ARV1: variants seen among roughly 807,000 people sequenced by gnomAD.
ARV1 encodes ARV1 fatty acid homeostasis modulator, also known as protein ARV1.
Under a neutral mutation model 31.1 loss-of-function variants are expected in ARV1, and 26 were observed. The ratio of observed to expected loss-of-function variants is 0.84; its 90% CI spans 0.61 to 1.16. ARV1 has a LOEUF of 1.16. Among genes scored for constraint, ARV1 ranks in the 50% most tolerant of loss-of-function variants. ARV1 has a pLI of 0.00. For synonymous variants in ARV1, 117 were observed against 123.2 expected, an observed-to-expected ratio of 0.95 and a Z score of 0.34; for missense variants, 281 against 324.9, an observed-to-expected ratio of 0.86 and a Z score of 1.04.
chr1:230,983,513 C>T (rs958353089), intron 1 of ARV1, among the ~76,000 whole-genome samples: 12 of 150,982 alleles, frequency 7.9e-5, no homozygotes, highest in African/African-American at 2.7e-4. Flanking sequence ...CAAAACAAAA[C>T]TCCTATAAGA....
intron 2 of ARV1, 100 bp from the exon 3 acceptor site, chr1:230,990,010 A>G: frequency 7.9e-7 from 1 of 1,263,788 alleles, no homozygotes; most frequent in African/African-American, 1.5e-5. Flanking sequence ...CCTGAATTTG[A>G]AAAGTGACTA....
intron 4 of ARV1, 79 bp from the exon 5 acceptor site, chr1:230,997,042 C>T (rs1679389281): frequency 6.6e-7 from 1 of 1,519,248 alleles, no homozygotes; most frequent in Non-Finnish European, 9.0e-7. Context: ...CTTTACAAAA[C>T]AATTCATACT....
chr1:230,999,089 C>G (rs1466584180), intron 5 of ARV1, among the ~76,000 whole-genome samples: 4 of 152,176 alleles, frequency 2.6e-5, no homozygotes, highest in Non-Finnish European at 4.4e-5. Context: ...CTGTCCTCAG[C>G]CCTCTTCCTT....
Position 230,986,668 on chromosome 1 carries a change from A to ATTTTTTTTTTTTT in ARV1, c.175-1626_175-1614dup, listed in dbSNP as rs1162209283. The stretch of plus-strand genomic sequence containing the variant: ...CACCCACAAATGTAATACTTTTCCT[A>ATTTTTTTTTTTTT]TTTTTTTTTTTTTTTTTTTTTTTTT... On this transcript the variant is annotated intron_variant, in intron 1 of 5. Coordinates refer to ENST00000310256, the MANE Select transcript of ARV1 (RefSeq NM_022786.3). 6.4e-4 allele frequency among the ~76,000 whole-genome samples: 40 copies of ATTTTTTTTTTTTT among 62,354 alleles called. 3 individuals are homozygous for ATTTTTTTTTTTTT. The highest frequency in any genetic ancestry group is 2.5e-3 in the East Asian group (4 of 1,614). 40.9% of individuals were successfully genotyped at this position (62,354 alleles called of 152,430 possible). A position where few individuals can be genotyped will look rare whatever the true frequency, so the allele number is the denominator to read the frequency against.
chr1:230,980,773 A>T (rs940246452), intron 1 of ARV1, among the ~76,000 whole-genome samples: 4 of 151,498 alleles, frequency 2.6e-5, no homozygotes, highest in African/African-American at 9.7e-5. Flanking sequence ...CAAAAAAAAA[A>T]AAAAAACCAA....
chr1:230,990,657 C>T, intron 3 of ARV1: 1 of 358,662 alleles, frequency 2.8e-6, no homozygotes, highest in Non-Finnish European at 5.7e-6. Context: ...TGGGCTCAAG[C>T]AATCCTCCTG....
intron 2 of ARV1, among the ~76,000 whole-genome samples, chr1:230,989,858 T>G (rs1218130532): frequency 1.3e-5 from 2 of 152,216 alleles, no homozygotes. Flanking sequence ...ATGTCTATGT[T>G]GTACTATGAA....
At chr1:230,986,103 T>TC in intron 1 of ARV1, among the ~76,000 whole-genome samples, 1 of 151,526 alleles carries the variant, frequency 6.6e-6, no homozygotes, top group South Asian at 2.1e-4. Flanking sequence ...ATTTTTTTTT[T>TC]AGTAGAGATG....
Position 230,979,246 on chromosome 1 carries a change from CTA to C in ARV1, c.144_145del (p.Tyr48Ter). ...NQEAKELYRD[Y>X]NHGVLKITIC... ...AGGAGGCCAAAGAGTTGTACCGAGA[CTA>C]TAACCACGGTGTGCTGAAGATAACC... On this transcript the variant is annotated frameshift_variant, in exon 1 of 6. Transcript: ENST00000310256. LOFTEE classifies it high-confidence loss of function. The C allele has an allele frequency of 6.2e-7, 1 of 1,613,252 alleles. No homozygotes were observed. The highest frequency in any genetic ancestry group is 1.3e-5 in the African/African-American group (1 of 74,968).
intron 3 of ARV1, among the ~76,000 whole-genome samples, chr1:230,993,569 T>C (rs2103053871): frequency 6.6e-6 from 1 of 152,316 alleles, no homozygotes; most frequent in Admixed American, 6.5e-5. Context: ...TTATGTGTCT[T>C]AGTCTAATCC....
At chr1:230,998,745 G>GAA (rs75089395) in intron 5 of ARV1, among the ~76,000 whole-genome samples, 4 of 135,710 alleles carry the variant, frequency 2.9e-5, no homozygotes, top group African/African-American at 2.7e-5. Context: ...ATCTTTACAG[G>GAA]AAAAAAAAAA....
intron 1 of ARV1, among the ~76,000 whole-genome samples, chr1:230,983,110 A>G (rs1413749623): frequency 6.6e-6 from 1 of 152,116 alleles, no homozygotes; most frequent in Non-Finnish European, 1.5e-5. Context: ...TATTATAAGT[A>G]CGCTTAAAGA....
At chr1:230,991,693 G>A (rs190620449) in intron 3 of ARV1, among the ~76,000 whole-genome samples, 6,298 of 150,018 alleles carry the variant, frequency 0.042, 359 homozygotes, top group African/African-American at 0.13. Flanking sequence ...GTGCAGTGGC[G>A]CGGTCTTGAC....
At chr1:230,998,354 T>C (rs114075886) in intron 5 of ARV1, among the ~76,000 whole-genome samples, 11 of 152,324 alleles carry the variant, frequency 7.2e-5, no homozygotes, top group African/African-American at 2.6e-4. Context: ...AAAGCTTCTC[T>C]GCCTCTCCTA....
At chr1:230,990,018 C>A in intron 2 of ARV1, 92 bp from the exon 3 acceptor site, 1 of 1,307,376 alleles carries the variant, frequency 7.6e-7, no homozygotes, top group Non-Finnish European at 1.0e-6. Flanking sequence ...TGAAAAGTGA[C>A]TAGGTGGGAT....
Position 230,997,256 on chromosome 1 carries a change from A to T in ARV1, c.809A>T (p.Asp270Val), listed in dbSNP as rs759029989. ...GATTATGCCATCTTTAAATCTCAGG[A>T]CTTCTGAAGAGGTACTGAAAGCATG... ...GSDYAIFKSQ[D>V]F Residue 270 changes from aspartate (D) to valine (V), a missense_variant, in exon 5 of 6, where the codon GAC becomes GTC. Physicochemically the swap from Asp to Val is radical, Grantham distance 152. Transcript: ENST00000310256. 1.9e-6 allele frequency: 3 copies of T among 1,613,896 alleles called. No homozygotes were observed. The Admixed American group carries it at 5.0e-5, about 27-fold the overall frequency.
chr1:230,997,854 C>T (rs1679413455), intron 5 of ARV1, among the ~76,000 whole-genome samples: 1 of 152,164 alleles, frequency 6.6e-6, no homozygotes, highest in South Asian at 2.1e-4. Context: ...TCCTGAGCAG[C>T]CACCTCTGCC....
At chr1:230,996,265 T>C (rs544694068) in intron 4 of ARV1, among the ~76,000 whole-genome samples, 8 of 152,288 alleles carry the variant, frequency 5.3e-5, no homozygotes, top group African/African-American at 1.9e-4. Context: ...ATGAATGAGC[T>C]CCTGGGGCTC....
At chr1:230,984,383 T>C (rs1191219353) in intron 1 of ARV1, among the ~76,000 whole-genome samples, 5 of 151,386 alleles carry the variant, frequency 3.3e-5, no homozygotes, top group Admixed American at 6.6e-5. Context: ...TGTGTGTGTG[T>C]GTGTGTGTGT....
Sources: allele counts gnomAD v4.1 joint callset (sites outside exome capture counted in the v4.1 genomes callset), GRCh38; gene constraint gnomAD v4.1.1; transcripts MANE v1.5; gene names NCBI Gene and HGNC (gene_info 2026-07-23, HGNC 2026-07-21).